The following OTUD5 variants were observed in gnomAD, a reference collection of about 807,000 sequenced individuals.
The protein encoded by OTUD5 is OTU deubiquitinase 5.
OTUD5 carries 2 observed loss-of-function variants against 36.3 expected under a neutral mutation model. That is an observed-to-expected ratio of 0.06 (90% CI 0.02 to 0.17). The LOEUF is 0.17. OTUD5 is among the 10% of genes least tolerant of loss of function. The probability of loss-of-function intolerance (pLI) is 1.00; values close to 1 mark genes in which losing one functional copy is unlikely to be tolerated. For synonymous variants in OTUD5, 234 were observed against 214.9 expected, an observed-to-expected ratio of 1.09 and a Z score of -0.78; for missense variants, 233 against 512.3, an observed-to-expected ratio of 0.45 and a Z score of 5.26.
chrX:48,929,662 G>A (rs1403990042), intron 5 of OTUD5, among the ~76,000 whole-genome samples: 1 of 108,522 alleles, frequency 9.2e-6, no homozygotes, highest in Non-Finnish European at 1.9e-5. Flanking sequence ...TAGAGGCTGC[G>A]GTGAGTTGAG....
intron 1 of OTUD5, among the ~76,000 whole-genome samples, chrX:48,950,151 A>G (rs1019815525): frequency 1.8e-5 from 2 of 109,188 alleles, no homozygotes; most frequent in Admixed American, 9.8e-5. Flanking sequence ...AAAAAAAAAA[A>G]GAGAAGAGAA....
At chrX:48,940,494 C>G (rs377170324) in intron 2 of OTUD5, 1 of 112,198 alleles carries the variant, frequency 8.9e-6, no homozygotes, top group South Asian at 3.7e-4. Flanking sequence ...GTTCCAAGAC[C>G]AAAAGGCCCA....
chrX:48,956,915 C>T, intron 1 of OTUD5, 62 bp downstream of exon 1: 2 of 1,053,959 alleles, frequency 1.9e-6, no homozygotes. Flanking sequence ...TTCCTTGAGT[C>T]CCTTCACAGT....
chrX:48,957,055 G>A lies in OTUD5; in HGVS notation c.516C>T (p.Gly172=), dbSNP rs782733832. The A allele has an allele frequency of 1.1e-5, 13 of 1,195,957 alleles. No individual in the cohort carries two copies. The highest frequency in any genetic ancestry group is 3.7e-5 in the South Asian group (2 of 54,729). ...GGGSPEREEV[G]AGYNSEDEYE... ...ACTCGTCCTCACTGTTGTAGCCTGC[G>A]CCGACCTCCTCACGCTCGGGACTGC... is the stretch of plus-strand genomic sequence containing the variant. Residue 172 remains glycine, a synonymous_variant, in exon 1 of 9, where the codon GGC becomes GGT. Coordinates refer to ENST00000376488, the MANE Select transcript of OTUD5 (RefSeq NM_001136157.2).
In OTUD5 at chrX:48,957,198, C is replaced by A; in HGVS notation, c.373G>T (p.Gly125Cys). 1 of 1,111,341 alleles carries A rather than the reference C, an allele frequency of 9.0e-7. No homozygotes were observed. The highest frequency in any genetic ancestry group is 1.2e-6 in the Non-Finnish European group (1 of 855,570). 91.6% of individuals were successfully genotyped at this position (1,111,341 alleles called of 1,213,427 possible). Reference protein sequence around the residue: ...DALGAAAAGVGAAGVVVGVGG... With the variant: ...DALGAAAAGVCAAGVVVGVGG... ...ACACCCACCACCACGCCCGCGGCAC[C>A]CACACCCGCCGCCGCTGCGCCCAGC... Residue 125 changes from glycine (G) to cysteine (C), a missense_variant, in exon 1 of 9, where the codon GGT (glycine) becomes TGT (cysteine). By Grantham distance (159) the Gly-to-Cys change is radical. Transcript: ENST00000376488.
In OTUD5 at chrX:48,944,183, G is replaced by A. The variant is rs1557051794; in HGVS notation, c.688+7C>T. On this transcript the variant is annotated splice_region_variant and intron_variant, in intron 2 of 8. Transcript: ENST00000376488. The stretch of plus-strand genomic sequence containing the variant: ...CTAGGCCCTTAAGGACTAAGGCAGA[G>A]ACTCACCTACAGCCCGGAAGAGACA... 3 of 1,177,615 alleles carry A rather than the reference G, an allele frequency of 2.5e-6. No individual in the cohort carries two copies. Among genetic ancestry groups the A allele is most frequent in the Admixed American group, 2.2e-5 (1 of 45,262 alleles).
chrX:48,922,968 A>G lies in OTUD5; in HGVS notation c.*206T>C. On this transcript the variant is annotated 3_prime_UTR_variant, in exon 9 of 9. Transcript: ENST00000376488. ...GGGGTGGGGGGCAACAGGGCACATC[A>G]GCTGGCAGAGAGACAGGTGATAGTG... 1.9e-6 allele frequency: 2 copies of G among 1,064,330 alleles called. No individual in the cohort carries two copies. Among genetic ancestry groups the G allele is most frequent in the Non-Finnish European group, 2.4e-6 (2 of 825,228 alleles). The allele number at this position is 1,064,330 out of a possible 1,213,427, so 87.7% of individuals were successfully genotyped here. A position where few individuals can be genotyped will look rare whatever the true frequency, so the allele number is the denominator to read the frequency against.
intron 1 of OTUD5, among the ~76,000 whole-genome samples, chrX:48,944,510 T>G (rs1211485489): frequency 8.9e-6 from 1 of 112,144 alleles, no homozygotes; most frequent in Non-Finnish European, 1.9e-5. Context: ...CTAGGTGCCC[T>G]GAGAACAGTG....
At chrX:48,928,826 C>CAAAA (rs782401982) in intron 5 of OTUD5, among the ~76,000 whole-genome samples, 9 of 63,514 alleles carry the variant, frequency 1.4e-4, no homozygotes, top group Non-Finnish European at 2.2e-4. Flanking sequence ...TACACTGTCT[C>CAAAA]AAAAAAAAAA....
chrX:48,947,447 A>G (rs1199810719), intron 1 of OTUD5, among the ~76,000 whole-genome samples: 1 of 110,927 alleles, frequency 9.0e-6, no homozygotes, highest in African/African-American at 3.3e-5. Flanking sequence ...TCACACCTGT[A>G]ATCCCAGAAC....
At chrX:48,942,178 C>T (rs2063935863) in intron 2 of OTUD5, among the ~76,000 whole-genome samples, 1 of 105,132 alleles carries the variant, frequency 9.5e-6, no homozygotes, top group Admixed American at 1.0e-4. Flanking sequence ...CAAGCCAGGT[C>T]CTCACTAGCT....
chrX:48,938,991 CA>C (rs1362363999), intron 2 of OTUD5, among the ~76,000 whole-genome samples: 1 of 112,010 alleles, frequency 8.9e-6, no homozygotes, highest in African/African-American at 3.2e-5. Flanking sequence ...CCTCTGTTCC[CA>C]TCTCAAACAG....
chrX:48,941,476 C>T (rs1205916445), intron 2 of OTUD5, among the ~76,000 whole-genome samples: 2 of 97,228 alleles, frequency 2.1e-5, no homozygotes, highest in Non-Finnish European at 4.0e-5. Context: ...AAAAAGAATG[C>T]GTGTCCTTTG....
intron 1 of OTUD5, among the ~76,000 whole-genome samples, chrX:48,949,974 C>T (rs949199238): frequency 1.3e-4 from 14 of 109,842 alleles, no homozygotes; most frequent in Non-Finnish European, 2.5e-4. Flanking sequence ...CATGGCAAAA[C>T]CCCATCTCTA....
chrX:48,942,736 G>C (rs1364312998), intron 2 of OTUD5, among the ~76,000 whole-genome samples: 6 of 109,055 alleles, frequency 5.5e-5, no homozygotes, highest in Non-Finnish European at 7.6e-5. Flanking sequence ...ATGTGACTCT[G>C]AGGCACCAGT....
At chrX:48,932,788 A>C (rs1260897908) in intron 5 of OTUD5, among the ~76,000 whole-genome samples, 1 of 111,641 alleles carries the variant, frequency 9.0e-6, no homozygotes, top group South Asian at 3.7e-4. Context: ...TACAAAAAAA[A>C]AAAATTTTTT....
In OTUD5 at chrX:48,923,091, G is replaced by A. The variant is rs2063606589; in HGVS notation, c.*83C>T. The A allele has an allele frequency of 1.2e-5, 15 of 1,201,869 alleles. No homozygotes were observed. The highest frequency in any genetic ancestry group is 1.6e-5 in the Non-Finnish European group (14 of 889,827). The stretch of plus-strand genomic sequence containing the variant: ...GCAGAAAGAACAGAAGGAGGCAAGA[G>A]GGAAGAAGCCAAAGAAGGTGAGGTG... On this transcript the variant is annotated 3_prime_UTR_variant, in exon 9 of 9. Transcript: ENST00000376488.
chrX:48,923,456 A>ACC (rs1569513118), intron 8 of OTUD5, among the ~76,000 whole-genome samples, 161 bp from the exon 9 acceptor site: 1 of 109,967 alleles, frequency 9.1e-6, no homozygotes, highest in Non-Finnish European at 1.9e-5. Flanking sequence ...CCCCACTTAG[A>ACC]CCCCAGACCC....
At chrX:48,948,849 T>C (rs2064080776) in intron 1 of OTUD5, among the ~76,000 whole-genome samples, 1 of 111,806 alleles carries the variant, frequency 8.9e-6, no homozygotes. Context: ...CTCCATATCT[T>C]TGAGCCTCCA....
Sources: gnomAD v4.1 joint callset for allele counts (sites outside exome capture counted in the v4.1 genomes callset) on GRCh38, gnomAD v4.1.1 for gene constraint, MANE v1.5 for transcripts, NCBI Gene and HGNC (gene_info 2026-07-23, HGNC 2026-07-21) for gene names.